The following PALLD variants were observed in gnomAD, a reference collection of about 807,000 sequenced individuals.
PALLD encodes the protein palladin.
PALLD carries 61 observed loss-of-function variants against 123.5 expected under a neutral mutation model. The observed-to-expected ratio is 0.49, with a 90% CI of 0.40 to 0.61. The LOEUF (loss-of-function observed/expected upper bound fraction) is 0.61, where lower values mean the gene tolerates loss of function less well. PALLD is among the 20% of genes least tolerant of loss of function. The pLI, the probability that PALLD is intolerant of heterozygous loss-of-function variation, is 0.00. For missense variants in PALLD, 1,273 were observed against 1,377.0 expected (o/e 0.92, Z 1.20); for synonymous variants, 465 against 496.4 (o/e 0.94, Z 0.84).
intron 10 of PALLD, among the ~76,000 whole-genome samples, chr4:168,781,963 G>A (rs1735988287): frequency 6.6e-6 from 1 of 151,796 alleles, no homozygotes; most frequent in African/African-American, 2.4e-5. Flanking sequence ...AAACTACCCT[G>A]GCACCCATCA....
At chr4:168,865,893 A>G (rs527632748) in intron 10 of PALLD, among the ~76,000 whole-genome samples, 33 of 152,230 alleles carry the variant, frequency 2.2e-4, no homozygotes, top group Non-Finnish European at 4.0e-4. Flanking sequence ...AAGGCCACAC[A>G]GAAAATTGGT....
At chr4:168,693,450 G>A (rs529790160) in intron 8 of PALLD, among the ~76,000 whole-genome samples, 1 of 152,326 alleles carries the variant, frequency 6.6e-6, no homozygotes, top group African/African-American at 2.4e-5. Context: ...TTGCTTTAAT[G>A]TAGCAAAATC....
intron 10 of PALLD, among the ~76,000 whole-genome samples, chr4:168,854,342 G>T (rs933489363): frequency 6.6e-6 from 1 of 152,192 alleles, no homozygotes; most frequent in Admixed American, 6.5e-5. Context: ...GGACGGTCTA[G>T]GTTTCTTAGA....
At position 168,537,200 on chromosome 4, in the gene PALLD, A is replaced by T. The variant is rs932042161; in HGVS notation, c.908+24788A>T. ...ATTTCTAAAAGGATATGCCTTTCCA[A>T]TTTCATTAAGTTGCTTAGGGTGAGA... On this transcript the variant is annotated intron_variant, in intron 2 of 21. Transcript: ENST00000505667. Among the ~76,000 whole-genome samples, 8 of 152,320 alleles carry T rather than the reference A, an allele frequency of 5.3e-5. No homozygotes were observed. In the South Asian group the frequency reaches 1.5e-3, roughly 28 times the overall value.
At chr4:168,647,713 G>A (rs1239175056) in intron 2 of PALLD, among the ~76,000 whole-genome samples, 1 of 150,704 alleles carries the variant, frequency 6.6e-6, no homozygotes, top group Non-Finnish European at 1.5e-5. Context: ...CCCTGGAGGC[G>A]GAGGCAGCAG....
intron 2 of PALLD, among the ~76,000 whole-genome samples, chr4:168,613,295 C>T (rs2149773547): frequency 6.6e-6 from 1 of 152,244 alleles, no homozygotes; most frequent in South Asian, 2.1e-4. Flanking sequence ...GTTTCATGCT[C>T]AAGATGAATA....
intron 10 of PALLD, among the ~76,000 whole-genome samples, chr4:168,718,971 G>A (rs1441077201): frequency 4.2e-5 from 6 of 144,034 alleles, no homozygotes; most frequent in Admixed American, 1.4e-4. Context: ...GCAGTGGCAT[G>A]ACCTCAGTTC....
intron 10 of PALLD, among the ~76,000 whole-genome samples, chr4:168,720,894 C>T (rs1785945845): frequency 6.6e-6 from 1 of 152,150 alleles, no homozygotes; most frequent in African/African-American, 2.4e-5. Flanking sequence ...CATTCATCCT[C>T]ATGATTTTTT....
At chr4:168,820,329 C>T (rs1561560609) in intron 10 of PALLD, among the ~76,000 whole-genome samples, 1 of 152,160 alleles carries the variant, frequency 6.6e-6, no homozygotes. Context: ...AACTGAGGCA[C>T]AGAGAGGTTA....
intron 2 of PALLD, among the ~76,000 whole-genome samples, chr4:168,656,452 T>C (rs1483547039): frequency 6.6e-6 from 1 of 152,138 alleles, no homozygotes; most frequent in African/African-American, 2.4e-5. Context: ...AACCTTTTTT[T>C]CCTTCACGTA....
intron 10 of PALLD, among the ~76,000 whole-genome samples, chr4:168,882,789 G>A (rs2151147034): frequency 6.6e-6 from 1 of 152,124 alleles, no homozygotes; most frequent in Admixed American, 6.5e-5. Context: ...TCTGCCCCTG[G>A]GGCAGCTCAA....
chr4:168,887,002 A>T (rs562599922), intron 10 of PALLD, among the ~76,000 whole-genome samples: 1 of 151,614 alleles, frequency 6.6e-6, no homozygotes, highest in South Asian at 2.1e-4. Context: ...CTGTAATCCT[A>T]GCTACTCAGG....
chr4:168,872,492 T>C lies in PALLD; in HGVS notation c.1965-18430T>C, dbSNP rs1040336599. ...CCTTTTGCAATACATTTTAAACTTA[T>C]ACATAATCCCAAGCAGTAATCAATT... On this transcript the variant is annotated intron_variant, in intron 10 of 21. Transcript: ENST00000505667. Among the ~76,000 whole-genome samples the C allele has an allele frequency of 3.3e-5, 5 of 152,354 alleles. 1 individual carries two copies. The Middle Eastern group carries it at 0.01, about 311-fold the overall frequency.
At chr4:168,801,516 G>A (rs1739324098) in intron 10 of PALLD, among the ~76,000 whole-genome samples, 1 of 152,184 alleles carries the variant, frequency 6.6e-6, no homozygotes, top group South Asian at 2.1e-4. Context: ...CTGACCTCGT[G>A]ATCTGCCCGC....
chr4:168,755,669 C>T (rs1731757306), intron 10 of PALLD: 1 of 152,236 alleles, frequency 6.6e-6, no homozygotes, highest in African/African-American at 2.4e-5. Context: ...TTTGCAGCTG[C>T]ATGAAGAATA....
chr4:168,521,478 A>G (rs935058503), intron 2 of PALLD, among the ~76,000 whole-genome samples: 1 of 152,268 alleles, frequency 6.6e-6, no homozygotes, highest in Admixed American at 6.5e-5. Context: ...TAAAACTGTT[A>G]GCACATTGTA....
intron 2 of PALLD, among the ~76,000 whole-genome samples, chr4:168,661,167 A>G (rs977178850): frequency 2.6e-5 from 4 of 152,160 alleles, no homozygotes; most frequent in African/African-American, 9.7e-5. Context: ...TCGGCCTCCC[A>G]AAGTGCTGGG....
At chr4:168,752,520 T>C (rs1561482083) in intron 10 of PALLD, among the ~76,000 whole-genome samples, 1 of 152,236 alleles carries the variant, frequency 6.6e-6, no homozygotes, top group Non-Finnish European at 1.5e-5. Context: ...CCAAGGTGTT[T>C]ATGCAGGAGT....
intron 10 of PALLD, among the ~76,000 whole-genome samples, chr4:168,865,140 T>C (rs113601906): frequency 0.012 from 1,783 of 152,368 alleles, 45 homozygotes; most frequent in African/African-American, 0.041. Context: ...TGAGGGGAAA[T>C]GGCTAGGCAG....
Sources: allele counts gnomAD v4.1 joint callset (sites outside exome capture counted in the v4.1 genomes callset), GRCh38; gene constraint gnomAD v4.1.1; transcripts MANE v1.5; gene names NCBI Gene and HGNC (gene_info 2026-07-23, HGNC 2026-07-21).